The following MIS18BP1 variants were observed in gnomAD, a reference collection of about 807,000 sequenced individuals.
MIS18BP1 encodes the protein mis18-binding protein 1.
In MIS18BP1, 72 loss-of-function variants were observed where a neutral mutation model predicts 116.1. That is an observed-to-expected ratio of 0.62 (90% CI 0.51 to 0.75). The LOEUF is 0.75. Ranked by LOEUF, MIS18BP1 falls within the 30% of genes least tolerant of loss-of-function variation. MIS18BP1 has a pLI of 0.00. For missense variants in MIS18BP1, 1,363 were observed against 1,303.2 expected, an observed-to-expected ratio of 1.05 and a Z score of -0.71; for synonymous variants, 386 against 427.0, an observed-to-expected ratio of 0.90 and a Z score of 1.18.
In MIS18BP1 at chr14:45,230,916, C is replaced by T. The variant is rs533566654; in HGVS notation, c.1594+225G>A. The stretch of plus-strand genomic sequence containing the variant: ...GATTACAGGCATAAGTCACTGGGCC[C>T]AGGCAAAGGTGGTATTTGATGAAGC... On this transcript the variant is annotated intron_variant, in intron 8 of 16. Coordinates refer to ENST00000310806, the MANE Select transcript of MIS18BP1 (RefSeq NM_018353.5). 3.9e-5 allele frequency among the ~76,000 whole-genome samples: 6 copies of T among 152,242 alleles called. No individual in the cohort carries two copies. In the East Asian group the frequency reaches 1.2e-3, roughly 29 times the overall value.
chr14:45,220,026 C>G (rs963943836), intron 11 of MIS18BP1, among the ~76,000 whole-genome samples: 2 of 152,082 alleles, frequency 1.3e-5, no homozygotes, highest in African/African-American at 4.8e-5. Context: ...CCTTGCCCAA[C>G]TCTCTAGTCT....
intron 11 of MIS18BP1, among the ~76,000 whole-genome samples, chr14:45,219,853 A>C (rs1890925159): frequency 6.6e-6 from 1 of 152,218 alleles, no homozygotes; most frequent in South Asian, 2.1e-4. Context: ...CTATTACATA[A>C]CACAAATAAT....
chr14:45,232,930 G>A lies in MIS18BP1; in HGVS notation c.1349-110C>T, dbSNP rs2093319666. The A allele has an allele frequency of 2.0e-5, 12 of 607,776 alleles. No individual in the cohort carries two copies. In the South Asian group the frequency reaches 2.1e-4, roughly 10 times the overall value. The allele number at this position is 607,776 out of a possible 1,614,324, so 37.6% of individuals were successfully genotyped here. A position where few individuals can be genotyped will look rare whatever the true frequency, so the allele number is the denominator to read the frequency against. ...AATATGCACCTATTGCTTAATATGT[G>A]CCAGGTACTATTATAGATATTCAGA... On this transcript the variant is annotated intron_variant, in intron 6 of 16. Coordinates refer to ENST00000310806, the MANE Select transcript of MIS18BP1 (RefSeq NM_018353.5).
intron 15 of MIS18BP1, among the ~76,000 whole-genome samples, chr14:45,205,020 C>T (rs1890474931): frequency 1.3e-5 from 2 of 152,096 alleles, no homozygotes; most frequent in African/African-American, 4.8e-5. Flanking sequence ...GTTTGAAGTA[C>T]ATGCTCACAC....
In MIS18BP1 at chr14:45,215,989, C is replaced by T. The variant is rs575364743; in HGVS notation, c.3003+1030G>A. ...AAAGTGCTGGGATTATAGGTGTGAGCCACCGCACCTGTCCTTCAGCTAATC... is the reference window on the plus strand; with the variant it reads ...AAAGTGCTGGGATTATAGGTGTGAGTCACCGCACCTGTCCTTCAGCTAATC... On this transcript the variant is annotated intron_variant, in intron 13 of 16. Transcript: ENST00000310806. Among the ~76,000 whole-genome samples the T allele has an allele frequency of 2.6e-5, 4 of 152,260 alleles. No homozygotes were observed. In the South Asian group the frequency reaches 8.3e-4, roughly 32 times the overall value.
chr14:45,204,380 A>C lies in MIS18BP1; in HGVS notation c.3295+19T>G. The C allele has an allele frequency of 1.3e-6, 2 of 1,595,468 alleles. No homozygotes were observed. Among genetic ancestry groups the C allele is most frequent in the Non-Finnish European group, 1.7e-6 (2 of 1,173,060 alleles). ...TTATAATAGAACTGAGCCACAAAAG[A>C]AAGCTGTAAGTGTATTACCTGTGTT... On this transcript the variant is annotated intron_variant, in intron 16 of 16. Coordinates refer to ENST00000310806, the MANE Select transcript of MIS18BP1 (RefSeq NM_018353.5).
rs1475043593 is a variant in MIS18BP1 at position 45,246,853 on chromosome 14, T to C, written c.434A>G (p.Asn145Ser). ...AACTCTGTTAGGAGTGAAGGTTTCA[T>C]TATTTCCACTTTTCTGTGGTTCCAA... ...SLLEPQKSGN[N>S]ETFTPNRVEK... The change falls in exon 2 of 17, where the codon AAT becomes AGT. Residue 145 changes from asparagine (N) to serine (S), a missense_variant. Physicochemically the swap from Asn to Ser is conservative, Grantham distance 46. Transcript: ENST00000310806. 2 of 1,612,466 alleles carry C rather than the reference T, an allele frequency of 1.2e-6. No individual in the cohort carries two copies. The highest frequency in any genetic ancestry group is 8.5e-7 in the Non-Finnish European group (1 of 1,179,728).
At position 45,206,070 on chromosome 14, in the gene MIS18BP1, G is replaced by C. The variant is rs766569811; in HGVS notation, c.3240+13C>G. 2 of 1,546,126 alleles carry C rather than the reference G, an allele frequency of 1.3e-6. No individual in the cohort carries two copies. On this transcript the variant is annotated intron_variant, in intron 15 of 16. Coordinates refer to ENST00000310806, the MANE Select transcript of MIS18BP1 (RefSeq NM_018353.5). Reference sequence around the variant, plus strand: ...GTTTCATAGATATGTATTGGATAAAGAAAAATACTTACTAATTTTTTCTTG... The same window carrying C: ...GTTTCATAGATATGTATTGGATAAACAAAAATACTTACTAATTTTTTCTTG...
intron 8 of MIS18BP1, 68 bp downstream of exon 8, chr14:45,231,073 C>G: frequency 6.6e-7 from 1 of 1,509,394 alleles, no homozygotes; most frequent in African/African-American, 1.4e-5. Context: ...ACATTATAAA[C>G]CATAAACAAT....
At chr14:45,228,813 C>T (rs150406017) in intron 8 of MIS18BP1, among the ~76,000 whole-genome samples, 132 of 152,174 alleles carry the variant, frequency 8.7e-4, no homozygotes, top group African/African-American at 3.1e-3. Flanking sequence ...GCTTTAAGAG[C>T]AATACTATGA....
chr14:45,217,735 CAA>C (rs924869986), intron 12 of MIS18BP1, among the ~76,000 whole-genome samples: 1 of 151,916 alleles, frequency 6.6e-6, no homozygotes, highest in African/African-American at 2.4e-5. Flanking sequence ...CGTGCCTGGC[CAA>C]AAAGATCTTT....
intron 4 of MIS18BP1, chr14:45,241,809 G>A (rs1891581831): frequency 2.2e-6 from 1 of 454,336 alleles, no homozygotes. Context: ...AGCAAAATAA[G>A]ACTTAACATG....
At chr14:45,237,133 G>A (rs1287616053) in intron 5 of MIS18BP1, among the ~76,000 whole-genome samples, 3 of 151,860 alleles carry the variant, frequency 2.0e-5, no homozygotes, top group African/African-American at 7.3e-5. Flanking sequence ...ATAGGAAATG[G>A]TGCTAATAGA....
Position 45,253,156 on chromosome 14 carries a change from C to G in MIS18BP1, c.-213G>C, listed in dbSNP as rs2139270383. On this transcript the variant is annotated 5_prime_UTR_variant, in exon 1 of 17. Coordinates refer to ENST00000310806, the MANE Select transcript of MIS18BP1 (RefSeq NM_018353.5). ...CACGGTGTATCCTGCCCGCGGCGGC[C>G]AGGCGCCAAGCGACGCTTACCTCCT... 1 of 152,394 alleles carries G rather than the reference C, an allele frequency of 6.6e-6. No homozygotes were observed. Among genetic ancestry groups the G allele is most frequent in the East Asian group, 1.9e-4 (1 of 5,170 alleles). 9.4% of individuals were successfully genotyped at this position (152,394 alleles called of 1,614,324 possible). A position where few individuals can be genotyped will look rare whatever the true frequency, so the allele number is the denominator to read the frequency against.
At chr14:45,231,479 G>A (rs1258198604) in intron 7 of MIS18BP1, 181 bp from the exon 8 acceptor site, 5 of 506,906 alleles carry the variant, frequency 9.9e-6, no homozygotes, top group African/African-American at 1.9e-5. Context: ...AAAGAACTGA[G>A]GTGTAACATC....
Position 45,247,376 on chromosome 14 carries a change from AC to A in MIS18BP1, c.-91del. The A allele has an allele frequency of 9.0e-7, 1 of 1,105,788 alleles. No homozygotes were observed. Among genetic ancestry groups the A allele is most frequent in the Non-Finnish European group, 1.3e-6 (1 of 791,034 alleles). 68.5% of individuals were successfully genotyped at this position (1,105,788 alleles called of 1,614,324 possible). On this transcript the variant is annotated splice_region_variant and 5_prime_UTR_variant, in exon 2 of 17. Coordinates refer to ENST00000310806, the MANE Select transcript of MIS18BP1 (RefSeq NM_018353.5). ...AGAACTTCAGAAGGGATCCACAGAA[AC>A]CTGTAGTTCAACGTAAAATCAGCCT...
chr14:45,211,640 G>T (rs1238161147), intron 13 of MIS18BP1, among the ~76,000 whole-genome samples: 1 of 152,114 alleles, frequency 6.6e-6, no homozygotes, highest in African/African-American at 2.4e-5. Context: ...CAAGTAGTTG[G>T]ACCCCTATTG....
intron 2 of MIS18BP1, among the ~76,000 whole-genome samples, chr14:45,244,985 T>A (rs1034006248): frequency 5.3e-5 from 8 of 152,222 alleles, no homozygotes; most frequent in African/African-American, 1.7e-4. Flanking sequence ...CCCAACAGCA[T>A]ATAAAAATGC....
At chr14:45,226,907 A>C (rs1891138265) in intron 9 of MIS18BP1, 71 bp from the exon 10 acceptor site, 6 of 1,181,918 alleles carry the variant, frequency 5.1e-6, no homozygotes, top group Middle Eastern at 2.7e-4. Context: ...GCATTTTCAT[A>C]GTATGCATCA....
Sources: allele counts gnomAD v4.1 joint callset (sites outside exome capture counted in the v4.1 genomes callset), GRCh38; gene constraint gnomAD v4.1.1; transcripts MANE v1.5; gene names NCBI Gene and HGNC (gene_info 2026-07-23, HGNC 2026-07-21).